Variants in RBFOX1 observed in about 807,000 individuals in gnomAD.
RBFOX1 encodes RNA binding protein fox-1 homolog 1.
A neutral mutation model predicts 57.7 loss-of-function variants in RBFOX1; 8 were observed. The observed-to-expected ratio is 0.14, with a 90% confidence interval of 0.08 to 0.25. The LOEUF is 0.25. Among genes scored for constraint, RBFOX1 ranks in the 10% least tolerant of loss-of-function variants. RBFOX1 has a pLI of 1.00. For synonymous variants in RBFOX1, 326 were observed against 222.4 expected (o/e 1.47, Z -4.15); for missense variants, 611 against 548.5 (o/e 1.11, Z -1.14).
chr16:7,080,042 G>GTATATATATATACATATATA (rs2058927139), intron 4 of RBFOX1, among the ~76,000 whole-genome samples: 1 of 142,082 alleles, frequency 7.0e-6, no homozygotes, highest in African/African-American at 2.7e-5. Flanking sequence ...GTATATAGAT[G>GTATATATATATACATATATA]TATATATATA....
At chr16:7,497,613 G>A (rs866397993) in intron 4 of RBFOX1, among the ~76,000 whole-genome samples, 1 of 152,096 alleles carries the variant, frequency 6.6e-6, no homozygotes, top group African/African-American at 2.4e-5. Flanking sequence ...TGAACCTACT[G>A]GGGACCAGAC....
Position 5,633,381 on chromosome 16 carries a change from G to A in RBFOX1, c.318+34420G>A, listed in dbSNP as rs148237183. Among the ~76,000 whole-genome samples, 655 of 152,286 alleles carry A rather than the reference G, an allele frequency of 4.3e-3. 9 individuals are homozygous for A. The highest frequency in any genetic ancestry group is 0.034 in the Admixed American group (526 of 15,304). Reference sequence around the variant, plus strand: ...AACTTTCAATAGTTTTAGGGTTACAGGTGGTTTTTCATTACATGGATGAGC... The same window carrying A: ...AACTTTCAATAGTTTTAGGGTTACAAGTGGTTTTTCATTACATGGATGAGC... On this transcript the variant is annotated intron_variant, in intron 3 of 19. Coordinates refer to the RBFOX1 transcript ENST00000641259.
At chr16:5,650,324 G>A (rs527696788) in intron 3 of RBFOX1, among the ~76,000 whole-genome samples, 15 of 152,210 alleles carry the variant, frequency 9.9e-5, no homozygotes, top group African/African-American at 3.4e-4. Context: ...AGGCAGCCAC[G>A]GCGGTGGTGG....
chr16:6,404,492 C>T (rs999773570), intron 2 of RBFOX1, among the ~76,000 whole-genome samples: 6 of 152,158 alleles, frequency 3.9e-5, no homozygotes, highest in Non-Finnish European at 8.8e-5. Context: ...AAAGAGTACG[C>T]ATTTGTAGTT....
intron 3 of RBFOX1, among the ~76,000 whole-genome samples, chr16:6,663,817 G>C (rs760216136): frequency 6.6e-6 from 1 of 152,242 alleles, no homozygotes; most frequent in Non-Finnish European, 1.5e-5. Flanking sequence ...ATGGGGTGGA[G>C]AGCATCCTGG....
intron 4 of RBFOX1, among the ~76,000 whole-genome samples, chr16:5,990,355 T>C (rs917009359): frequency 2.6e-5 from 4 of 152,180 alleles, no homozygotes; most frequent in Admixed American, 6.5e-5. Flanking sequence ...CCTTGGGCAA[T>C]GAACTATAAC....
At position 7,366,646 on chromosome 16, in the gene RBFOX1, C is replaced by CT. The variant is rs35391383; in HGVS notation, c.28-151489dup. Among the ~76,000 whole-genome samples, 459 of 146,296 alleles carry CT rather than the reference C, an allele frequency of 3.1e-3. 2 individuals carry two copies. The highest frequency in any genetic ancestry group is 8.7e-3 in the South Asian group (40 of 4,582). ...TTTCTCTGATGATATTGATAGTTTT[C>CT]TTTTTTTTTTTTCCCACTTAGATGA... On this transcript the variant is annotated intron_variant, in intron 4 of 15. Coordinates refer to ENST00000550418, the MANE Select transcript of RBFOX1 (RefSeq NM_018723.4).
At position 6,998,988 on chromosome 16, in the gene RBFOX1, C is replaced by T. The variant is rs545343262; in HGVS notation, c.-15-53069C>T. On this transcript the variant is annotated intron_variant, in intron 3 of 15. Coordinates refer to ENST00000550418, the MANE Select transcript of RBFOX1 (RefSeq NM_018723.4). Reference sequence around the variant, plus strand: ...GGTTCAAGCGATTCTCGTGCCTCGGCATCCTGAGTAGCTGGAATTACAAGC... The same window carrying T: ...GGTTCAAGCGATTCTCGTGCCTCGGTATCCTGAGTAGCTGGAATTACAAGC... Among the ~76,000 whole-genome samples, 161 of 151,510 alleles carry T rather than the reference C, an allele frequency of 1.1e-3. 2 individuals are homozygous for T. Among genetic ancestry groups the T allele is most frequent in the African/African-American group, 3.8e-3 (156 of 41,392 alleles).
At chr16:5,268,417 C>T (rs1164319761) in intron 1 of RBFOX1, among the ~76,000 whole-genome samples, 1 of 152,164 alleles carries the variant, frequency 6.6e-6, no homozygotes, top group African/African-American at 2.4e-5. Flanking sequence ...AGTTCTTAGT[C>T]AAGAGTTAGG....
intron 4 of RBFOX1, among the ~76,000 whole-genome samples, chr16:5,986,313 C>A (rs2060284963): frequency 1.3e-5 from 2 of 152,206 alleles, no homozygotes; most frequent in African/African-American, 4.8e-5. Context: ...ATCTACCCGC[C>A]CCGGCCTCCC....
chr16:6,192,287 G>A (rs2097146816), intron 1 of RBFOX1, among the ~76,000 whole-genome samples: 1 of 152,114 alleles, frequency 6.6e-6, no homozygotes, highest in Non-Finnish European at 1.5e-5. Context: ...TTGTTCTCAT[G>A]CCACATCAAA....
At chr16:7,050,419 C>G (rs184114270) in intron 3 of RBFOX1, among the ~76,000 whole-genome samples, 1 of 151,984 alleles carries the variant, frequency 6.6e-6, no homozygotes, top group Non-Finnish European at 1.5e-5. Flanking sequence ...ATGCCCACCA[C>G]CATGCCCAGC....
intron 3 of RBFOX1, among the ~76,000 whole-genome samples, chr16:6,916,542 A>G (rs1409586912): frequency 6.6e-6 from 1 of 151,868 alleles, no homozygotes; most frequent in Non-Finnish European, 1.5e-5. Context: ...TTAGTGGCAC[A>G]GATACCACAG....
At chr16:6,722,255 A>G (rs566024841) in intron 3 of RBFOX1, among the ~76,000 whole-genome samples, 8 of 152,268 alleles carry the variant, frequency 5.3e-5, no homozygotes, top group South Asian at 2.1e-4. Context: ...ACCGTTTTGC[A>G]TTTCCACCCA....
intron 1 of RBFOX1, among the ~76,000 whole-genome samples, chr16:6,026,804 C>T (rs764661791): frequency 6.6e-6 from 1 of 152,218 alleles, no homozygotes; most frequent in African/African-American, 2.4e-5. Flanking sequence ...TATCTAGGCT[C>T]ACGCTCTGAG....
intron 3 of RBFOX1, among the ~76,000 whole-genome samples, chr16:6,737,757 G>T (rs541224462): frequency 6.6e-6 from 1 of 152,218 alleles, no homozygotes; most frequent in Non-Finnish European, 1.5e-5. Context: ...TTAAATAATA[G>T]TCCATTTATT....
chr16:6,154,065 C>G (rs934239108), intron 1 of RBFOX1, among the ~76,000 whole-genome samples: 7 of 152,238 alleles, frequency 4.6e-5, no homozygotes, highest in African/African-American at 1.4e-4. Flanking sequence ...GAAACCTCCA[C>G]TGGCATAGCC....
At chr16:5,446,974 A>T (rs1159278947) in intron 1 of RBFOX1, among the ~76,000 whole-genome samples, 1 of 152,142 alleles carries the variant, frequency 6.6e-6, no homozygotes, top group Non-Finnish European at 1.5e-5. Flanking sequence ...TCTTGTGAGG[A>T]GTCAATGGGA....
At chr16:7,317,470 C>T (rs1181056673) in intron 4 of RBFOX1, among the ~76,000 whole-genome samples, 2 of 152,146 alleles carry the variant, frequency 1.3e-5, no homozygotes, top group African/African-American at 4.8e-5. Flanking sequence ...CTATTATCAC[C>T]ACCACTATCA....
Sources: allele counts gnomAD v4.1 joint callset (sites outside exome capture counted in the v4.1 genomes callset), GRCh38; gene constraint gnomAD v4.1.1; transcripts MANE v1.5; gene names NCBI Gene and HGNC (gene_info 2026-07-23, HGNC 2026-07-21).